SHISA9: variants seen among roughly 807,000 people sequenced by gnomAD.
SHISA9 encodes protein shisa-9.
Under a neutral mutation model 38.0 loss-of-function variants are expected in SHISA9, and 13 were observed. That is an observed-to-expected ratio of 0.34 (90% CI 0.22 to 0.54). SHISA9 has a LOEUF of 0.54. Ranked by LOEUF, SHISA9 falls within the 20% of genes least tolerant of loss-of-function variation. SHISA9 has a pLI of 0.91. For missense variants in SHISA9, 538 were observed against 575.8 expected, an observed-to-expected ratio of 0.93 and a Z score of 0.67; for synonymous variants, 275 against 242.0, an observed-to-expected ratio of 1.14 and a Z score of -1.27.
chr16:12,974,506 T>TCC (rs1265951174), intron 2 of SHISA9, among the ~76,000 whole-genome samples: 2,640 of 105,650 alleles, frequency 0.025, 42 homozygotes, highest in Middle Eastern at 0.042. Context: ...TTTTTTTTTT[T>TCC]CCGGAGTTTC....
chr16:13,343,358 T>G, the SHISA9 span, among the ~76,000 whole-genome samples: 1 of 152,148 alleles, frequency 6.6e-6, no homozygotes, highest in Non-Finnish European at 1.5e-5. Context: ...TTCATAAAAC[T>G]TTTACATTTT....
chr16:13,121,287 G>A (rs1365845904), intron 2 of SHISA9, among the ~76,000 whole-genome samples: 1 of 152,128 alleles, frequency 6.6e-6, no homozygotes, highest in Non-Finnish European at 1.5e-5. Flanking sequence ...CCAGGAGTTC[G>A]AGACCAACCT....
chr16:13,225,112 T>TAC (rs928598906), intron 4 of SHISA9, among the ~76,000 whole-genome samples: 4 of 152,034 alleles, frequency 2.6e-5, no homozygotes, highest in Non-Finnish European at 5.9e-5. Context: ...CACACACACA[T>TAC]ACACACACAT....
the SHISA9 span, among the ~76,000 whole-genome samples, chr16:13,309,152 C>T: frequency 6.6e-6 from 1 of 152,000 alleles, no homozygotes; most frequent in African/African-American, 2.4e-5. Context: ...TTTTCAAGTG[C>T]CTTTAACTTA....
intron 2 of SHISA9, among the ~76,000 whole-genome samples, chr16:13,083,694 A>G (rs1306001541): frequency 1.3e-5 from 2 of 152,102 alleles, no homozygotes; most frequent in African/African-American, 4.8e-5. Context: ...TGTGTTTGTC[A>G]TTGACTATGG....
chr16:13,412,346 G>C, the SHISA9 span, among the ~76,000 whole-genome samples: 1 of 152,162 alleles, frequency 6.6e-6, no homozygotes, highest in Non-Finnish European at 1.5e-5. Context: ...AGGGATGTTA[G>C]AGACAGAGGA....
At chr16:13,396,699 G>T in the SHISA9 span, among the ~76,000 whole-genome samples, 4 of 152,240 alleles carry the variant, frequency 2.6e-5, no homozygotes, top group African/African-American at 7.2e-5. Flanking sequence ...GCTTTTGCAC[G>T]TACTGGGATG....
At chr16:12,921,471 A>G (rs1224784246) in intron 2 of SHISA9, among the ~76,000 whole-genome samples, 1 of 152,178 alleles carries the variant, frequency 6.6e-6, no homozygotes, top group Non-Finnish European at 1.5e-5. Context: ...AAGTATTTTA[A>G]CATATTTGGG....
chr16:12,987,560 T>C (rs2072328863), intron 2 of SHISA9, among the ~76,000 whole-genome samples: 1 of 151,848 alleles, frequency 6.6e-6, no homozygotes, highest in Admixed American at 6.6e-5. Flanking sequence ...CACATGGACA[T>C]GGGGAGGGGA....
At chr16:13,390,964 C>T in the SHISA9 span, among the ~76,000 whole-genome samples, 3 of 152,016 alleles carry the variant, frequency 2.0e-5, no homozygotes, top group Non-Finnish European at 2.9e-5. Flanking sequence ...ATCTCCATTC[C>T]AACCATGGCA....
intron 2 of SHISA9, among the ~76,000 whole-genome samples, chr16:12,926,609 G>A (rs946227055): frequency 6.6e-6 from 1 of 152,202 alleles, no homozygotes; most frequent in Admixed American, 6.5e-5. Context: ...CATGGTGGGA[G>A]TAAGTTCAGG....
chr16:13,252,276 A>G, the SHISA9 span, among the ~76,000 whole-genome samples: 2 of 152,124 alleles, frequency 1.3e-5, no homozygotes, highest in African/African-American at 4.8e-5. Context: ...CGCTTTGTCC[A>G]TCAACTGGGA....
chr16:13,050,142 T>C (rs1176083261), intron 2 of SHISA9, among the ~76,000 whole-genome samples: 2 of 152,172 alleles, frequency 1.3e-5, no homozygotes, highest in Non-Finnish European at 2.9e-5. Context: ...TTAAAATGCA[T>C]GGTTACAAAA....
At chr16:13,094,708 G>A (rs1288617393) in intron 2 of SHISA9, among the ~76,000 whole-genome samples, 1 of 152,130 alleles carries the variant, frequency 6.6e-6, no homozygotes, top group African/African-American at 2.4e-5. Context: ...TGATTGGCCT[G>A]TAGACTTTGT....
At chr16:12,982,090 A>G (rs1203182060) in intron 2 of SHISA9, among the ~76,000 whole-genome samples, 2 of 152,194 alleles carry the variant, frequency 1.3e-5, no homozygotes, top group African/African-American at 4.8e-5. Context: ...GCCAGGCACT[A>G]CTTTACAAAT....
the SHISA9 span, among the ~76,000 whole-genome samples, chr16:13,476,300 G>C: frequency 6.6e-6 from 1 of 152,090 alleles, no homozygotes; most frequent in East Asian, 1.9e-4. Context: ...CATCCTGATT[G>C]CTTCCTTACC....
intron 2 of SHISA9, among the ~76,000 whole-genome samples, chr16:13,034,486 A>G (rs1218705672): frequency 6.6e-6 from 1 of 152,226 alleles, no homozygotes. Context: ...AGAAGAAGCA[A>G]CATCTTATTG....
At chr16:13,283,095 T>C in the SHISA9 span, among the ~76,000 whole-genome samples, 45 of 152,268 alleles carry the variant, frequency 3.0e-4, no homozygotes, top group Non-Finnish European at 6.2e-4. Flanking sequence ...ACATGGTGAA[T>C]AATATAAAGA....
intron 3 of SHISA9, 94 bp downstream of exon 3, chr16:13,203,643 A>T (rs1201792499): frequency 5.4e-6 from 7 of 1,294,194 alleles, no homozygotes; most frequent in African/African-American, 4.5e-5. Context: ...TTCTTTCCTA[A>T]TTCCTTTTTC....
Sources: gnomAD v4.1 joint callset for allele counts (sites outside exome capture counted in the v4.1 genomes callset) on GRCh38, gnomAD v4.1.1 for gene constraint, MANE v1.5 for transcripts, NCBI Gene and HGNC (gene_info 2026-07-23, HGNC 2026-07-21) for gene names.